The following GRM5 variants were observed in gnomAD, a reference collection of about 807,000 sequenced individuals.
The protein encoded by GRM5 is glutamate metabotropic receptor 5, also known as metabotropic glutamate receptor 5.
A neutral mutation model predicts 83.1 loss-of-function variants in GRM5; 19 were observed. The ratio of observed to expected loss-of-function variants is 0.23; its 90% CI spans 0.16 to 0.34. GRM5 has a LOEUF of 0.34. Among genes scored for constraint, GRM5 ranks in the 10% least tolerant of loss-of-function variants. The probability of loss-of-function intolerance (pLI) is 1.00; values close to 1 mark genes in which losing one functional copy is unlikely to be tolerated. For synonymous variants in GRM5, 675 were observed against 633.6 expected, an observed-to-expected ratio of 1.07 and a Z score of -0.98; for missense variants, 1,160 against 1,588.3, an observed-to-expected ratio of 0.73 and a Z score of 4.58.
intron 8 of GRM5, among the ~76,000 whole-genome samples, chr11:88,537,486 A>G (rs1407330297): frequency 1.3e-5 from 2 of 152,232 alleles, no homozygotes; most frequent in African/African-American, 4.8e-5. Context: ...TGTTACAAAG[A>G]GAGCTGAAGG....
At chr11:89,051,177 A>G (rs1356833967) in intron 1 of GRM5, among the ~76,000 whole-genome samples, 1 of 151,934 alleles carries the variant, frequency 6.6e-6, no homozygotes, top group Non-Finnish European at 1.5e-5. Flanking sequence ...AATGGCGTGA[A>G]CCCGAGAGGC....
At chr11:88,657,139 A>G (rs1010414876) in intron 3 of GRM5, among the ~76,000 whole-genome samples, 2 of 152,216 alleles carry the variant, frequency 1.3e-5, no homozygotes, top group African/African-American at 4.8e-5. Context: ...AAGAACACAC[A>G]TAAAACAAGG....
At chr11:88,669,346 A>G (rs1261163262) in intron 3 of GRM5, among the ~76,000 whole-genome samples, 1 of 152,160 alleles carries the variant, frequency 6.6e-6, no homozygotes, top group Non-Finnish European at 1.5e-5. Context: ...AATCTATGCC[A>G]GAGTCTTTAC....
rs1941852536 is a variant in GRM5 at position 88,525,549 on chromosome 11, T to C, written c.2631-145A>G. On this transcript the variant is annotated intron_variant, in intron 8 of 9. Transcript: ENST00000305447. Reference sequence around the variant, plus strand: ...GCTTCTCAATGCAATGACCAACCTGTGATACTTATTAGATGAATGTGATGG... The same window carrying C: ...GCTTCTCAATGCAATGACCAACCTGCGATACTTATTAGATGAATGTGATGG... 9.2e-6 allele frequency: 6 copies of C among 650,942 alleles called. 1 individual carries two copies. Among genetic ancestry groups the C allele is most frequent in the South Asian group, 3.7e-5 (2 of 54,768 alleles). The allele number at this position is 650,942 out of a possible 1,614,324, so 40.3% of individuals were successfully genotyped here. A position where few individuals can be genotyped will look rare whatever the true frequency, so the allele number is the denominator to read the frequency against.
At position 88,990,960 on chromosome 11, in the gene GRM5, A is replaced by T. The variant is rs572074015; in HGVS notation, c.661+56252T>A. Among the ~76,000 whole-genome samples the T allele has an allele frequency of 3.7e-3, 568 of 152,226 alleles. 4 individuals carry two copies. The highest frequency in any genetic ancestry group is 0.013 in the African/African-American group (542 of 41,508). On this transcript the variant is annotated intron_variant, in intron 2 of 9. Coordinates refer to ENST00000305447, the MANE Select transcript of GRM5 (RefSeq NM_001143831.3). ...CCCTTTGAAAACTGGCACAAGACAGAGATGCCCTCTCTCACCACTCCTATT... is the reference window on the plus strand; with the variant it reads ...CCCTTTGAAAACTGGCACAAGACAGTGATGCCCTCTCTCACCACTCCTATT...
intron 2 of GRM5, among the ~76,000 whole-genome samples, chr11:88,895,820 T>C (rs1459439033): frequency 6.6e-6 from 1 of 152,002 alleles, no homozygotes; most frequent in African/African-American, 2.4e-5. Flanking sequence ...GTCTGTGTGA[T>C]CAAATGTAAT....
At chr11:88,733,274 AAG>A (rs978153814) in intron 3 of GRM5, among the ~76,000 whole-genome samples, 1 of 152,066 alleles carries the variant, frequency 6.6e-6, no homozygotes, top group African/African-American at 2.4e-5. Flanking sequence ...GCCAATTAAA[AAG>A]AGTCAGTCAT....
intron 5 of GRM5, among the ~76,000 whole-genome samples, chr11:88,604,107 A>G (rs1410685181): frequency 6.6e-6 from 1 of 152,192 alleles, no homozygotes; most frequent in Non-Finnish European, 1.5e-5. Flanking sequence ...AGTTCTGGGT[A>G]CTTAGTGATT....
At chr11:88,924,678 C>A (rs1290222081) in intron 2 of GRM5, among the ~76,000 whole-genome samples, 2 of 151,614 alleles carry the variant, frequency 1.3e-5, no homozygotes, top group African/African-American at 4.8e-5. Context: ...AGATGTAAGT[C>A]AAAAATGTAC....
intron 2 of GRM5, among the ~76,000 whole-genome samples, chr11:88,898,407 C>T (rs1156335831): frequency 1.3e-5 from 2 of 151,956 alleles, no homozygotes; most frequent in Admixed American, 6.6e-5. Context: ...TTTTTGGAGG[C>T]GGGAACATAA....
intron 2 of GRM5, among the ~76,000 whole-genome samples, chr11:88,999,996 C>A (rs1232187654): frequency 1.3e-5 from 2 of 152,032 alleles, no homozygotes; most frequent in African/African-American, 2.4e-5. Context: ...GGACAAAAAA[C>A]CAAACACTGC....
At chr11:88,522,507 T>A (rs1941721993) in intron 9 of GRM5, among the ~76,000 whole-genome samples, 1 of 151,734 alleles carries the variant, frequency 6.6e-6, no homozygotes, top group African/African-American at 2.4e-5. Flanking sequence ...TGACCTCTCT[T>A]TTCATATGTC....
chr11:88,603,536 A>T (rs755530), intron 5 of GRM5, among the ~76,000 whole-genome samples: 1 of 152,000 alleles, frequency 6.6e-6, no homozygotes, highest in Admixed American at 6.6e-5. Flanking sequence ...TCCTTCATGG[A>T]TATACGTAAG....
intron 7 of GRM5, among the ~76,000 whole-genome samples, chr11:88,568,404 G>T (rs894929135): frequency 6.6e-6 from 1 of 152,114 alleles, no homozygotes; most frequent in East Asian, 1.9e-4. Flanking sequence ...TGGAGTTGGG[G>T]ATTTCATGGG....
In GRM5 at chr11:88,509,108, C is replaced by G. The variant is rs1012015295; in HGVS notation, c.3123G>C (p.Ser1041=). 10 of 1,547,014 alleles carry G rather than the reference C, an allele frequency of 6.5e-6. No individual in the cohort carries two copies. Among genetic ancestry groups the G allele is most frequent in the South Asian group, 1.2e-5 (1 of 83,988 alleles). Residue 1041 remains serine, a synonymous_variant, in exon 10 of 10, where the codon TCG becomes TCC. Transcript: ENST00000305447. The stretch of plus-strand genomic sequence containing the variant: ...TGCGCGCCACAGGCTCCGAGTGCAG[C>G]GACGGCACATCGTCGTCCGTGCGGC... ...SASRTDDDVP[S]LHSEPVARSS... is the part of the protein sequence containing the mutation.
At chr11:88,882,646 T>C (rs1944979625) in intron 2 of GRM5, among the ~76,000 whole-genome samples, 3 of 152,144 alleles carry the variant, frequency 2.0e-5, no homozygotes, top group Non-Finnish European at 4.4e-5. Flanking sequence ...ATTTATTTAT[T>C]ATATTAATAA....
intron 3 of GRM5, among the ~76,000 whole-genome samples, chr11:88,841,445 A>G (rs1159426285): frequency 6.6e-6 from 1 of 152,132 alleles, no homozygotes; most frequent in African/African-American, 2.4e-5. Flanking sequence ...TTTTTCTTGA[A>G]TAATATTAGA....
intron 2 of GRM5, among the ~76,000 whole-genome samples, chr11:88,998,923 C>A (rs1020293562): frequency 1.3e-5 from 2 of 151,842 alleles, no homozygotes; most frequent in African/African-American, 2.4e-5. Flanking sequence ...GGTAAAGGAA[C>A]TAGAATGCCG....
chr11:88,713,434 T>C (rs1007012067), intron 3 of GRM5, among the ~76,000 whole-genome samples: 1 of 152,056 alleles, frequency 6.6e-6, no homozygotes, highest in African/African-American at 2.4e-5. Context: ...AAAGCTTTAA[T>C]ACATTGTATG....
Sources: allele counts gnomAD v4.1 joint callset (sites outside exome capture counted in the v4.1 genomes callset), GRCh38; gene constraint gnomAD v4.1.1; transcripts MANE v1.5; gene names NCBI Gene and HGNC (gene_info 2026-07-23, HGNC 2026-07-21).